Variants in CTTNBP2 observed in about 807,000 individuals in gnomAD.
The protein encoded by CTTNBP2 is cortactin-binding protein 2.
CTTNBP2 carries 108 observed loss-of-function variants against 156.9 expected under a neutral mutation model. The observed-to-expected ratio is 0.69, with a 90% CI of 0.59 to 0.81. CTTNBP2 has a LOEUF of 0.81. Among genes scored for constraint, CTTNBP2 ranks in the 30% least tolerant of loss-of-function variants. The pLI, the probability that CTTNBP2 is intolerant of heterozygous loss-of-function variation, is 0.00. For missense variants in CTTNBP2, 1,924 were observed against 2,035.4 expected, an observed-to-expected ratio of 0.95 and a Z score of 1.05; for synonymous variants, 767 against 751.8, an observed-to-expected ratio of 1.02 and a Z score of -0.33.
intron 19 of CTTNBP2, among the ~76,000 whole-genome samples, chr7:117,722,566 C>CT (rs965265524): frequency 5.9e-5 from 9 of 152,092 alleles, no homozygotes; most frequent in East Asian, 1.9e-4. Context: ...GTCTATTCAT[C>CT]TTTTTTTACA....
chr7:117,798,605 C>G (rs915749561), intron 3 of CTTNBP2, among the ~76,000 whole-genome samples: 7 of 151,986 alleles, frequency 4.6e-5, no homozygotes, highest in Non-Finnish European at 8.8e-5. Context: ...GCAGCTAAGG[C>G]CGATATGGCT....
chr7:117,790,984 AAAAG>A (rs1798963768), intron 4 of CTTNBP2, 140 bp downstream of exon 4: 2 of 698,326 alleles, frequency 2.9e-6, no homozygotes, highest in Non-Finnish European at 4.7e-6. Flanking sequence ...AAAATACAAA[AAAAG>A]AGAGAGAAAG....
chr7:117,851,931 C>G (rs1444817452), intron 2 of CTTNBP2, among the ~76,000 whole-genome samples: 4 of 152,112 alleles, frequency 2.6e-5, no homozygotes, highest in Non-Finnish European at 5.9e-5. Flanking sequence ...AATAGAAAAT[C>G]ATCAACTCTA....
intron 2 of CTTNBP2, among the ~76,000 whole-genome samples, chr7:117,857,423 G>A (rs1803403002): frequency 6.6e-6 from 1 of 151,982 alleles, no homozygotes; most frequent in Non-Finnish European, 1.5e-5. Flanking sequence ...TTATATTTAT[G>A]GATTGCTTTG....
intron 22 of CTTNBP2, among the ~76,000 whole-genome samples, chr7:117,717,255 CTTATTTT>C (rs1794455766): frequency 6.6e-6 from 1 of 151,784 alleles, no homozygotes; most frequent in Non-Finnish European, 1.5e-5. Flanking sequence ...GCCATTCAGA[CTTATTTT>C]TAAAGTCTCA....
At chr7:117,796,889 T>G in intron 3 of CTTNBP2, among the ~76,000 whole-genome samples, 1 of 152,270 alleles carries the variant, frequency 6.6e-6, no homozygotes, top group Non-Finnish European at 1.5e-5. Flanking sequence ...GAAGCAATGG[T>G]TATTAGACTA....
rs1794056467 is a variant in CTTNBP2, at chr7:117,711,582, A to T, written c.4947T>A (p.Asn1649Lys). Reference protein sequence around the residue: ...IEINNNSKEVNWNLHKNEHLE... With the variant: ...IEINNNSKEVKWNLHKNEHLE... The stretch of plus-strand genomic sequence containing the variant: ...GGTGTTCATTTTTGTGTAAGTTCCA[A>T]TTCACTTCTTTTGAGTTGTTGTTGA... Residue 1649 changes from asparagine to lysine, a missense_variant, in exon 23 of 23, where the codon AAT becomes AAA. By Grantham distance (94) the Asn-to-Lys change is moderately conservative. Transcript: ENST00000160373. 1 of 1,613,812 alleles carries T rather than the reference A, an allele frequency of 6.2e-7. No homozygotes were observed.
chr7:117,844,026 G>A (rs967187677), intron 2 of CTTNBP2, among the ~76,000 whole-genome samples: 1 of 146,880 alleles, frequency 6.8e-6, no homozygotes, highest in Non-Finnish European at 1.5e-5. Flanking sequence ...CAGAGAAAGA[G>A]GCATGACAAC....
chr7:117,775,020 A>G (rs1379181689), intron 8 of CTTNBP2, among the ~76,000 whole-genome samples: 1 of 152,180 alleles, frequency 6.6e-6, no homozygotes, highest in African/African-American at 2.4e-5. Context: ...ATATTTTCCA[A>G]TATCTTTGAC....
At chr7:117,747,251 T>C (rs1164996307) in intron 12 of CTTNBP2, among the ~76,000 whole-genome samples, 1 of 152,184 alleles carries the variant, frequency 6.6e-6, no homozygotes, top group Non-Finnish European at 1.5e-5. Flanking sequence ...AATGTGTGTG[T>C]GTATCTCTGT....
intron 2 of CTTNBP2, among the ~76,000 whole-genome samples, chr7:117,850,846 T>G (rs965511595): frequency 2.6e-5 from 4 of 152,156 alleles, no homozygotes; most frequent in Non-Finnish European, 5.9e-5. Flanking sequence ...CAATAAATTT[T>G]AGAAGTACCA....
At chr7:117,832,396 G>A (rs1052158780) in intron 2 of CTTNBP2, among the ~76,000 whole-genome samples, 21 of 152,078 alleles carry the variant, frequency 1.4e-4, no homozygotes, top group African/African-American at 5.1e-4. Flanking sequence ...AAGAGGGACT[G>A]CCCTAAAACG....
chr7:117,784,313 A>G lies in CTTNBP2; in HGVS notation c.2210T>C (p.Ile737Thr). ...ATGGCCATCTTCACAGGAGTAATTA[A>G]TGTCCAGTCCTTCTTCATTAAGCAG... is the stretch of plus-strand genomic sequence containing the variant. ...SMLLNEEGLD[I>T]NYSCEDGHSA... Residue 737 changes from isoleucine (I) to threonine (T), a missense_variant, in exon 5 of 23, where the codon ATT (isoleucine) becomes ACT (threonine). Coordinates refer to ENST00000160373, the MANE Select transcript of CTTNBP2 (RefSeq NM_033427.3). The G allele has an allele frequency of 1.2e-6, 2 of 1,613,936 alleles. No individual in the cohort carries two copies. Among genetic ancestry groups the G allele is most frequent in the Non-Finnish European group, 1.7e-6 (2 of 1,179,934 alleles).
intron 12 of CTTNBP2, among the ~76,000 whole-genome samples, chr7:117,752,703 T>C (rs1796674993): frequency 6.6e-6 from 1 of 152,196 alleles, no homozygotes; most frequent in Non-Finnish European, 1.5e-5. Flanking sequence ...AATAGGCTAA[T>C]AACCTAGGCT....
At chr7:117,745,047 C>T (rs1224179084) in intron 14 of CTTNBP2, among the ~76,000 whole-genome samples, 1 of 152,214 alleles carries the variant, frequency 6.6e-6, no homozygotes, top group East Asian at 1.9e-4. Context: ...TGGTCCATTT[C>T]AGTTTTGTGT....
chr7:117,756,691 C>A, intron 11 of CTTNBP2, 57 bp from the exon 12 acceptor site: 1 of 1,058,266 alleles, frequency 9.4e-7, no homozygotes, highest in South Asian at 1.3e-5. Flanking sequence ...TATAAACGAT[C>A]AAAACACAAC....
chr7:117,786,527 C>A (rs1271636529), intron 4 of CTTNBP2: 1 of 361,240 alleles, frequency 2.8e-6, no homozygotes, highest in Non-Finnish European at 5.4e-6. Context: ...AGGCATAAAA[C>A]CTCGACTGCA....
At chr7:117,756,466 ACTC>A (rs1796889431) in intron 12 of CTTNBP2, 86 bp downstream of exon 12, 2 of 971,616 alleles carry the variant, frequency 2.1e-6, no homozygotes, top group Non-Finnish European at 3.3e-6. Flanking sequence ...GGGGGCTTGC[ACTC>A]CTCCTTTAAA....
Position 117,722,680 on chromosome 7 carries a change from CAATT to C in CTTNBP2, c.4448-1554_4448-1551del, listed in dbSNP as rs572446528. 2.4e-4 allele frequency among the ~76,000 whole-genome samples: 37 copies of C among 152,194 alleles called. No individual in the cohort carries two copies. The South Asian group carries it at 7.1e-3, about 29-fold the overall frequency. On this transcript the variant is annotated intron_variant, in intron 19 of 22. Coordinates refer to ENST00000160373, the MANE Select transcript of CTTNBP2 (RefSeq NM_033427.3). ...TTGTCTACTCTAAAGCATATACCAA[CAATT>C]AAGTTAGCTCAAAAAGTTGGTCTTA...
Sources: allele counts gnomAD v4.1 joint callset (sites outside exome capture counted in the v4.1 genomes callset), GRCh38; gene constraint gnomAD v4.1.1; transcripts MANE v1.5; gene names NCBI Gene and HGNC (gene_info 2026-07-23, HGNC 2026-07-21).